The following APC2 variants were observed in gnomAD, a reference collection of about 807,000 sequenced individuals.
APC2 encodes the protein adenomatous polyposis coli protein 2.
In APC2, 41 loss-of-function variants were observed where a neutral mutation model predicts 72.5. The observed-to-expected ratio is 0.57, with a 90% CI of 0.44 to 0.73. The LOEUF is 0.73. APC2 is among the 30% of genes least tolerant of loss of function. The probability of loss-of-function intolerance (pLI) is 0.00; values close to 1 mark genes in which losing one functional copy is unlikely to be tolerated. For synonymous variants in APC2, 1,898 were observed against 1,612.0 expected, an observed-to-expected ratio of 1.18 and a Z score of -4.25; for missense variants, 3,729 against 3,403.4, an observed-to-expected ratio of 1.10 and a Z score of -2.38.
chr19:1,470,374 C>CGCGCCTCACCGGAAGACCTT lies in APC2; in HGVS notation c.*164_*183dup. 9.4e-7 allele frequency: 1 copy of CGCGCCTCACCGGAAGACCTT among 1,065,178 alleles called. No individual in the cohort carries two copies. The highest frequency in any genetic ancestry group is 3.0e-5 in the East Asian group (1 of 33,038). 66.0% of individuals were successfully genotyped at this position (1,065,178 alleles called of 1,614,324 possible). ...ACCCCCGCCCAGCGCACGGCGACCTCGCGCCTCACCGGAAGACCTTGCCTC... is the reference window on the plus strand; with the variant it reads ...ACCCCCGCCCAGCGCACGGCGACCTCGCGCCTCACCGGAAGACCTTGCGCCTCACCGGAAGACCTTGCCTC... On this transcript the variant is annotated 3_prime_UTR_variant, in exon 15 of 15. Transcript: ENST00000590469.
At position 1,465,966 on chromosome 19, in the gene APC2, G is replaced by A. The variant is rs768604320; in HGVS notation, c.2665G>A (p.Ala889Thr). 1.9e-6 allele frequency: 3 copies of A among 1,563,394 alleles called. No homozygotes were observed. The highest frequency in any genetic ancestry group is 3.8e-5 in the Admixed American group (2 of 52,410). ...PGQEAPREGR[A>T]QSCSPCRGPE... is the part of the protein sequence containing the mutation. The stretch of plus-strand genomic sequence containing the variant: ...ACAGGAGGCGCCACGGGAGGGCCGC[G>A]CCCAGTCCTGCTCGCCATGCCGCGG... The change falls in exon 15 of 15, where the codon GCC (alanine) becomes ACC (threonine). Residue 889 changes from alanine (A) to threonine (T), a missense_variant. Physicochemically the swap from Ala to Thr is moderately conservative, Grantham distance 58. Coordinates refer to ENST00000590469, the MANE Select transcript of APC2 (RefSeq NM_005883.3).
At position 1,467,939 on chromosome 19, in the gene APC2, G is replaced by A. The variant is rs1321334041; in HGVS notation, c.4638G>A (p.Lys1546=). The A allele has an allele frequency of 2.5e-6, 4 of 1,586,386 alleles. No individual in the cohort carries two copies. Among genetic ancestry groups the A allele is most frequent in the Admixed American group, 3.4e-5 (2 of 59,326 alleles). Residue 1546 remains lysine, a synonymous_variant, in exon 15 of 15, where the codon AAG becomes AAA. Transcript: ENST00000590469. ...CGCGGGAGCGTCCGCAGGGCCGGAA[G>A]GAGGCCCCTGCCCCGTCCAAGGCTG... The part of the protein sequence containing the change: ...AFTRERPQGR[K]EAPAPSKAAP...
In APC2 at chr19:1,454,624, C is replaced by T. The variant is rs963032529; in HGVS notation, c.414-525C>T. Among the ~76,000 whole-genome samples, 112 of 142,698 alleles carry T rather than the reference C, an allele frequency of 7.8e-4. 2 individuals are homozygous for T. The highest frequency in any genetic ancestry group is 2.1e-4 in the East Asian group (1 of 4,816). The allele number at this position is 142,698 out of a possible 152,430, so 93.6% of individuals were successfully genotyped here. On this transcript the variant is annotated intron_variant, in intron 4 of 14. Coordinates refer to ENST00000590469, the MANE Select transcript of APC2 (RefSeq NM_005883.3). ...TGTCGCCCAAGCTGGAGTGCAGTGG[C>T]GCGATCTCGGCTCACTGCAAGCTCC... is the stretch of plus-strand genomic sequence containing the variant.
At position 1,469,002 on chromosome 19, in the gene APC2, C is replaced by T; in HGVS notation, c.5701C>T (p.Pro1901Ser). The T allele has an allele frequency of 6.4e-7, 1 of 1,556,052 alleles. No homozygotes were observed. Among genetic ancestry groups the T allele is most frequent in the Non-Finnish European group, 8.7e-7 (1 of 1,155,136 alleles). Residue 1901 changes from proline (P) to serine (S), a missense_variant, in exon 15 of 15, where the codon CCC becomes TCC. Physicochemically the swap from Pro to Ser is moderately conservative, Grantham distance 74. Transcript: ENST00000590469. Reference sequence around the variant, plus strand: ...GGTCACCCAGGCTGCTGGGGCCCTGCCCGGCCCCGGAGCCTCCCCGGTGCC... The same window carrying T: ...GGTCACCCAGGCTGCTGGGGCCCTGTCCGGCCCCGGAGCCTCCCCGGTGCC... ...PPVTQAAGAL[P>S]GPGASPVPKT...
intron 14 of APC2, 139 bp from the exon 15 acceptor site, chr19:1,465,010 ATATACT>A (rs1481425231): frequency 2.8e-6 from 2 of 724,470 alleles, no homozygotes; most frequent in Non-Finnish European, 4.4e-6. Flanking sequence ...AATCTTTGGG[ATATACT>A]TATACCAAAA....
intron 10 of APC2, chr19:1,458,457 G>A (rs1454856987): frequency 1.1e-5 from 2 of 187,676 alleles, no homozygotes; most frequent in Non-Finnish European, 2.2e-5. Flanking sequence ...TTGAGGCCGG[G>A]CGAGGCTGCT....
intron 1 of APC2, among the ~76,000 whole-genome samples, chr19:1,450,869 G>A (rs982870750): frequency 6.6e-6 from 1 of 152,228 alleles, no homozygotes; most frequent in African/African-American, 2.4e-5. Flanking sequence ...TGCACTGTGT[G>A]GGATGGCAGG....
rs745519556 is a variant in APC2 at position 1,462,165 on chromosome 19, G to A, written c.1841G>A (p.Arg614His). ...AATGTGTCCAGCCTCGTCGCCACCC[G>A]TGAGGACTACAGGTCGGCCCCCACC... ...LRNVSSLVATREDYRQVLRDH... is the reference protein window; with the variant it reads ...LRNVSSLVATHEDYRQVLRDH... Residue 614 changes from arginine (R) to histidine (H), a missense_variant, in exon 14 of 15, where the codon CGT (arginine) becomes CAT (histidine). Transcript: ENST00000590469. 2.3e-5 allele frequency: 36 copies of A among 1,597,000 alleles called. No homozygotes were observed. Among genetic ancestry groups the A allele is most frequent in the Non-Finnish European group, 2.8e-5 (33 of 1,173,832 alleles).
rs1666770955 is a variant in APC2 at position 1,465,495 on chromosome 19, G to A, written c.2194G>A (p.Ala732Thr). The change falls in exon 15 of 15, where the codon GCA (alanine) becomes ACA (threonine). Residue 732 changes from alanine to threonine, a missense_variant. Physicochemically the swap from Ala to Thr is moderately conservative, Grantham distance 58. Coordinates refer to ENST00000590469, the MANE Select transcript of APC2 (RefSeq NM_005883.3). ...GCGGGCGCTGGAGGCCGAGCTGGAC[G>A]CACGGCACCTCGCGCAGGCGCTGGA... Reference protein sequence around the residue: ...KQRALEAELDARHLAQALEHL... With the variant: ...KQRALEAELDTRHLAQALEHL... The A allele has an allele frequency of 2.0e-6, 3 of 1,525,338 alleles. No homozygotes were observed. The highest frequency in any genetic ancestry group is 1.4e-5 in the African/African-American group (1 of 71,784). 94.5% of individuals were successfully genotyped at this position (1,525,338 alleles called of 1,614,324 possible). A position where few individuals can be genotyped will look rare whatever the true frequency, so the allele number is the denominator to read the frequency against.
In APC2 at chr19:1,467,412, G is replaced by A; in HGVS notation, c.4111G>A (p.Val1371Met). The A allele has an allele frequency of 5.4e-6, 8 of 1,490,838 alleles. No individual in the cohort carries two copies. Among genetic ancestry groups the A allele is most frequent in the East Asian group, 2.8e-5 (1 of 35,646 alleles). 92.4% of individuals were successfully genotyped at this position (1,490,838 alleles called of 1,614,324 possible). A position where few individuals can be genotyped will look rare whatever the true frequency, so the allele number is the denominator to read the frequency against. ...GGTGCCAGGTCGCCGCGCACTCCCC[G>A]TGCCCGTCTACATGTTGGTGCCCGC... The part of the protein sequence containing the change: ...ALVPGRRALP[V>M]PVYMLVPAPA... Residue 1371 changes from valine (V) to methionine (M), a missense_variant, in exon 15 of 15, where the codon GTG becomes ATG. Coordinates refer to ENST00000590469, the MANE Select transcript of APC2 (RefSeq NM_005883.3).
chr19:1,467,934 C>G lies in APC2; in HGVS notation c.4633C>G (p.Arg1545Gly), dbSNP rs775249886. 3.2e-6 allele frequency: 5 copies of G among 1,585,756 alleles called. No individual in the cohort carries two copies. Among genetic ancestry groups the G allele is most frequent in the African/African-American group, 1.4e-5 (1 of 73,102 alleles). The change falls in exon 15 of 15, where the codon CGG becomes GGG. Residue 1545 changes from arginine (R) to glycine (G), a missense_variant. Coordinates refer to ENST00000590469, the MANE Select transcript of APC2 (RefSeq NM_005883.3). Reference protein sequence around the residue: ...RAFTRERPQGRKEAPAPSKAA... With the variant: ...RAFTRERPQGGKEAPAPSKAA... ...TTTTACGCGGGAGCGTCCGCAGGGCCGGAAGGAGGCCCCTGCCCCGTCCAA... is the reference window on the plus strand; with the variant it reads ...TTTTACGCGGGAGCGTCCGCAGGGCGGGAAGGAGGCCCCTGCCCCGTCCAA...
At chr19:1,461,864 CAAAA>C (rs112618303) in intron 13 of APC2, 95 bp from the exon 14 acceptor site, 40 of 1,005,918 alleles carry the variant, frequency 4.0e-5, no homozygotes, top group Non-Finnish European at 3.0e-5. Flanking sequence ...AAAAAAAAAA[CAAAA>C]AACAAAAAAA....
chr19:1,453,748 C>A, intron 4 of APC2, 137 bp downstream of exon 4: 1 of 1,213,280 alleles, frequency 8.2e-7, no homozygotes, highest in South Asian at 1.5e-5. Context: ...TATGGCACTG[C>A]CCACCGAACA....
At chr19:1,453,178 CG>C in intron 2 of APC2, 36 bp downstream of exon 2, 1 of 1,578,158 alleles carries the variant, frequency 6.3e-7, no homozygotes, top group Non-Finnish European at 8.6e-7. Context: ...GCTAGGGTCC[CG>C]GGGTGGTGCC....
chr19:1,464,933 T>G (rs2083982211), intron 14 of APC2, among the ~76,000 whole-genome samples: 1 of 142,134 alleles, frequency 7.0e-6, no homozygotes, highest in Non-Finnish European at 1.5e-5. Flanking sequence ...GCACCCGGCC[T>G]ACCTTTTTTT....
At chr19:1,460,085 G>C (rs1894350015) in intron 10 of APC2, 96 bp from the exon 11 acceptor site, 1 of 1,528,798 alleles carries the variant, frequency 6.5e-7, no homozygotes, top group African/African-American at 1.4e-5. Context: ...CAGGTCTGGG[G>C]CATAGGGAGG....
intron 10 of APC2, chr19:1,458,580 A>AT (rs373180806): frequency 6.4e-6 from 1 of 156,320 alleles, no homozygotes; most frequent in Non-Finnish European, 1.4e-5. Flanking sequence ...CAAAAAAAAA[A>AT]TTAGTCCCAG....
chr19:1,460,765 C>T lies in APC2; in HGVS notation c.1444-15C>T. 4 of 1,611,216 alleles carry T rather than the reference C, an allele frequency of 2.5e-6. No homozygotes were observed. Among genetic ancestry groups the T allele is most frequent in the Non-Finnish European group, 3.4e-6 (4 of 1,178,610 alleles). On this transcript the variant is annotated splice_polypyrimidine_tract_variant and intron_variant, in intron 11 of 14. Transcript: ENST00000590469. ...TGTCCCAACCCCGTGACCCCGGCTG[C>T]ATAACCCCCAACAGGCCACCCTGTG...
intron 11 of APC2, 80 bp from the exon 12 acceptor site, chr19:1,460,700 C>T: frequency 7.1e-7 from 1 of 1,418,144 alleles, no homozygotes; most frequent in South Asian, 1.3e-5. Flanking sequence ...AGCTGCAGCA[C>T]ACAGACGGGG....
Sources: allele counts gnomAD v4.1 joint callset (sites outside exome capture counted in the v4.1 genomes callset), GRCh38; gene constraint gnomAD v4.1.1; transcripts MANE v1.5; gene names NCBI Gene and HGNC (gene_info 2026-07-23, HGNC 2026-07-21).